UMAD1: variants seen among roughly 807,000 people sequenced by gnomAD.
The protein encoded by UMAD1 is UBAP1-MVB12-associated (UMA) domain containing 1, also known as UBAP1-MVB12-associated (UMA)-domain containing protein 1.
UMAD1 carries 8 observed loss-of-function variants against 6.1 expected under a neutral mutation model. The ratio of observed to expected loss-of-function variants is 1.30; its 90% CI spans 0.76 to 2.35. The LOEUF (loss-of-function observed/expected upper bound fraction) is 2.35. Among genes scored for constraint, UMAD1 ranks in the 30% most tolerant of loss-of-function variants. UMAD1 has a pLI of 0.00. For synonymous variants in UMAD1, 56 were observed against 31.4 expected (o/e 1.78, Z -2.61); for missense variants, 130 against 78.4 (o/e 1.66, Z -2.49).
At chr7:7,676,344 AG>A in intron 2 of UMAD1, 1 of 391,848 alleles carries the variant, frequency 2.6e-6, no homozygotes, top group Non-Finnish European at 4.5e-6. Flanking sequence ...TGAGTGAGGT[AG>A]TACTATTATA....
At chr7:7,645,273 A>C (rs1245565892) in intron 1 of UMAD1, among the ~76,000 whole-genome samples, 1 of 152,184 alleles carries the variant, frequency 6.6e-6, no homozygotes, top group Non-Finnish European at 1.5e-5. Flanking sequence ...AATAGTGTTT[A>C]AGTCAAGATG....
chr7:7,683,587 T>G (rs1322825458), intron 2 of UMAD1, among the ~76,000 whole-genome samples: 2 of 152,044 alleles, frequency 1.3e-5, no homozygotes, highest in Admixed American at 6.6e-5. Context: ...GCAGAAAGCT[T>G]CATACATGAT....
intron 2 of UMAD1, among the ~76,000 whole-genome samples, chr7:7,776,844 A>T (rs1449996745): frequency 6.6e-6 from 1 of 152,202 alleles, no homozygotes; most frequent in Non-Finnish European, 1.5e-5. Context: ...AAAATATATG[A>T]AAAGTAATAC....
chr7:7,803,887 A>G (rs1782854264), intron 3 of UMAD1, among the ~76,000 whole-genome samples: 1 of 152,236 alleles, frequency 6.6e-6, no homozygotes, highest in South Asian at 2.1e-4. Context: ...CATTCAGACC[A>G]TAGCACTTAG....
intron 3 of UMAD1, among the ~76,000 whole-genome samples, chr7:7,857,711 T>C (rs1347002486): frequency 6.6e-6 from 1 of 152,224 alleles, no homozygotes; most frequent in African/African-American, 2.4e-5. Flanking sequence ...AATTTCAGGG[T>C]GTCTAAGATC....
chr7:7,793,123 G>A (rs891762302), intron 2 of UMAD1, among the ~76,000 whole-genome samples: 1 of 152,180 alleles, frequency 6.6e-6, no homozygotes. Flanking sequence ...AATAGCAGTC[G>A]AAACCAAGAC....
At chr7:7,751,301 G>T (rs1357137510) in intron 2 of UMAD1, among the ~76,000 whole-genome samples, 2 of 152,084 alleles carry the variant, frequency 1.3e-5, no homozygotes, top group Non-Finnish European at 2.9e-5. Context: ...TTTTAGAGTT[G>T]GTATGTTAAA....
intron 3 of UMAD1, among the ~76,000 whole-genome samples, chr7:7,876,265 G>A (rs1784417510): frequency 1.3e-5 from 2 of 152,198 alleles, no homozygotes; most frequent in African/African-American, 2.4e-5. Context: ...CTTGCAAGGA[G>A]CACTAGCAAG....
intron 2 of UMAD1, among the ~76,000 whole-genome samples, chr7:7,725,801 C>G (rs1314365351): frequency 6.6e-6 from 1 of 152,188 alleles, no homozygotes; most frequent in Non-Finnish European, 1.5e-5. Flanking sequence ...CCAGACTGCA[C>G]CAATGGCCTT....
intron 3 of UMAD1, among the ~76,000 whole-genome samples, chr7:7,867,716 G>A (rs1784259120): frequency 6.6e-6 from 1 of 152,028 alleles, no homozygotes; most frequent in Non-Finnish European, 1.5e-5. Flanking sequence ...TCTCAGCCTC[G>A]CTGTGAAAAA....
intron 3 of UMAD1, among the ~76,000 whole-genome samples, chr7:7,824,418 T>C (rs1289475424): frequency 6.6e-6 from 1 of 152,134 alleles, no homozygotes; most frequent in African/African-American, 2.4e-5. Flanking sequence ...TCATCAGGTT[T>C]TGTTCATTTT....
Position 7,795,867 on chromosome 7 carries a change from A to T in UMAD1, c.83-5803A>T, listed in dbSNP as rs185580686. ...TGGCTTCCTTCTTTACTGCATCTTC[A>T]TTTATCAGCAGGGTGTTTGTGATGT... On this transcript the variant is annotated intron_variant, in intron 2 of 3. Transcript: ENST00000682710. Among the ~76,000 whole-genome samples, 179 of 152,206 alleles carry T rather than the reference A, an allele frequency of 1.2e-3. 1 individual carries two copies. The highest frequency in any genetic ancestry group is 1.9e-3 in the Non-Finnish European group (132 of 68,012).
intron 3 of UMAD1, among the ~76,000 whole-genome samples, chr7:7,869,233 C>G (rs1236143619): frequency 8.7e-6 from 1 of 114,308 alleles, no homozygotes; most frequent in Non-Finnish European, 1.8e-5. Context: ...CCACCTCACC[C>G]CACAGTAATG....
rs112239256 is a variant in UMAD1, at chr7:7,690,743, G to A, written c.82+17290G>A. Among the ~76,000 whole-genome samples the A allele has an allele frequency of 5.8e-3, 884 of 152,160 alleles. 10 individuals are homozygous for A. The highest frequency in any genetic ancestry group is 0.02 in the African/African-American group (839 of 41,518). On this transcript the variant is annotated intron_variant, in intron 2 of 3. Transcript: ENST00000682710. ...TATAGTATTGAGCTACCTTATATGA[G>A]TTGCCAAATTATGGTATGAACCAAT...
At chr7:7,682,570 T>G (rs1201741037) in intron 2 of UMAD1, among the ~76,000 whole-genome samples, 5 of 152,206 alleles carry the variant, frequency 3.3e-5, no homozygotes, top group African/African-American at 7.2e-5. Flanking sequence ...TGATTCTGTC[T>G]AGGGTTGAAG....
At chr7:7,859,867 T>C (rs1468588094) in intron 3 of UMAD1, among the ~76,000 whole-genome samples, 1 of 152,252 alleles carries the variant, frequency 6.6e-6, no homozygotes, top group Non-Finnish European at 1.5e-5. Flanking sequence ...TTCACTAGAC[T>C]GTATTTTCCT....
At chr7:7,784,571 T>A (rs1782422916) in intron 2 of UMAD1, among the ~76,000 whole-genome samples, 1 of 151,554 alleles carries the variant, frequency 6.6e-6, no homozygotes, top group Non-Finnish European at 1.5e-5. Flanking sequence ...GGTCTCGATC[T>A]TCTGACCTCG....
intron 3 of UMAD1, among the ~76,000 whole-genome samples, chr7:7,875,622 C>G (rs1196022095): frequency 6.6e-6 from 1 of 152,198 alleles, no homozygotes; most frequent in Non-Finnish European, 1.5e-5. Context: ...CACATACACC[C>G]TTCCAACACT....
chr7:7,839,251 ACCCGT>A (rs1783629433), intron 3 of UMAD1, among the ~76,000 whole-genome samples: 1 of 151,994 alleles, frequency 6.6e-6, no homozygotes, highest in Admixed American at 6.6e-5. Context: ...CTCTGTCATC[ACCCGT>A]TCTGGAAGGC....
Sources: allele counts gnomAD v4.1 joint callset (sites outside exome capture counted in the v4.1 genomes callset), GRCh38; gene constraint gnomAD v4.1.1; transcripts MANE v1.5; gene names NCBI Gene and HGNC (gene_info 2026-07-23, HGNC 2026-07-21).